RGS7: variants seen among roughly 807,000 people sequenced by gnomAD.
RGS7 encodes the protein regulator of G protein signaling 7, also known as regulator of G-protein signaling 7.
RGS7 carries 27 observed loss-of-function variants against 81.1 expected under a neutral mutation model. The observed-to-expected ratio is 0.33, with a 90% CI of 0.25 to 0.46. The LOEUF (loss-of-function observed/expected upper bound fraction) is 0.46. RGS7 is among the 20% of genes least tolerant of loss of function. RGS7 has a pLI of 1.00. For synonymous variants in RGS7, 208 were observed against 207.7 expected (o/e 1.00, Z -0.01); for missense variants, 396 against 607.4 (o/e 0.65, Z 3.66).
chr1:240,835,827 A>T (rs1029616688), intron 9 of RGS7, among the ~76,000 whole-genome samples: 1 of 152,200 alleles, frequency 6.6e-6, no homozygotes, highest in African/African-American at 2.4e-5. Flanking sequence ...GAAAGAAGCC[A>T]ATCTGAAAAA....
At chr1:241,109,812 G>C (rs1283876226) in intron 2 of RGS7, among the ~76,000 whole-genome samples, 1 of 151,850 alleles carries the variant, frequency 6.6e-6, no homozygotes, top group Non-Finnish European at 1.5e-5. Flanking sequence ...ACAAAAATTA[G>C]CCGGGCTTAG....
intron 9 of RGS7, among the ~76,000 whole-genome samples, chr1:240,842,630 G>A (rs201739943): frequency 2.1e-3 from 37 of 17,530 alleles, no homozygotes; most frequent in African/African-American, 4.9e-3. Context: ...TAAGCATTTT[G>A]GGGGGGGAAT....
At chr1:241,329,805 G>C (rs2081853690) in intron 2 of RGS7, among the ~76,000 whole-genome samples, 2 of 152,088 alleles carry the variant, frequency 1.3e-5, no homozygotes, top group African/African-American at 2.4e-5. Context: ...GTGTGCTGCT[G>C]GTGGATGGAT....
chr1:241,017,588 T>C (rs889381961), intron 3 of RGS7, among the ~76,000 whole-genome samples: 1 of 152,144 alleles, frequency 6.6e-6, no homozygotes, highest in Non-Finnish European at 1.5e-5. Flanking sequence ...CATAGAATTA[T>C]AGGTTGGCAG....
rs1685592138 is a variant in RGS7 at position 240,985,948 on chromosome 1, A to G, written c.176-2819T>C. Among the ~76,000 whole-genome samples the G allele has an allele frequency of 3.5e-5, 5 of 144,556 alleles. No individual in the cohort carries two copies. The South Asian group carries it at 8.8e-4, about 25-fold the overall frequency. 94.8% of individuals were successfully genotyped at this position (144,556 alleles called of 152,430 possible). ...CTTTACAGCAATTTTCCAGCTTTATATTAAATAAATAAATAAATAAATAAA... is the reference window on the plus strand; with the variant it reads ...CTTTACAGCAATTTTCCAGCTTTATGTTAAATAAATAAATAAATAAATAAA... On this transcript the variant is annotated intron_variant, in intron 3 of 18. Coordinates refer to ENST00000440928, the MANE Select transcript of RGS7 (RefSeq NM_001364886.1).
intron 2 of RGS7, among the ~76,000 whole-genome samples, chr1:241,129,264 C>A (rs201273745): frequency 2.5e-4 from 36 of 145,668 alleles, no homozygotes; most frequent in African/African-American, 3.3e-4. Flanking sequence ...AACAAACAAA[C>A]AAACAAAAAA....
chr1:240,817,708 C>T (rs1259088307), intron 10 of RGS7, among the ~76,000 whole-genome samples: 2 of 152,058 alleles, frequency 1.3e-5, no homozygotes, highest in South Asian at 2.1e-4. Flanking sequence ...GTTCAAGTGA[C>T]TCTCTTGCCT....
At chr1:241,073,905 CTTTT>C (rs200571282) in intron 3 of RGS7, among the ~76,000 whole-genome samples, 1 of 141,594 alleles carries the variant, frequency 7.1e-6, no homozygotes. Context: ...CTCTTCGTTC[CTTTT>C]TTTTTTTTTT....
chr1:241,339,019 G>A (rs1363089592), intron 2 of RGS7, among the ~76,000 whole-genome samples: 1 of 152,060 alleles, frequency 6.6e-6, no homozygotes, highest in Non-Finnish European at 1.5e-5. Context: ...ACATGCATTA[G>A]CTATTTATCC....
At chr1:240,872,276 T>C (rs1664629024) in intron 6 of RGS7, among the ~76,000 whole-genome samples, 1 of 152,164 alleles carries the variant, frequency 6.6e-6, no homozygotes, top group South Asian at 2.1e-4. Context: ...TCCCTAAATG[T>C]CTACTTGATT....
chr1:241,187,429 T>C (rs1055234800), intron 2 of RGS7, among the ~76,000 whole-genome samples: 9 of 152,230 alleles, frequency 5.9e-5, no homozygotes, highest in Non-Finnish European at 8.8e-5. Flanking sequence ...TTAGAGATTA[T>C]ACACTTTTTT....
At position 240,886,260 on chromosome 1, in the gene RGS7, G is replaced by T. The variant is rs183752077; in HGVS notation, c.386-16141C>A. On this transcript the variant is annotated intron_variant, in intron 6 of 18. Transcript: ENST00000440928. Reference sequence around the variant, plus strand: ...CCAAAGTGACAGGTTCTGAGAGTTTGCACCTTTTTAAAGTACCACAATAAT... The same window carrying T: ...CCAAAGTGACAGGTTCTGAGAGTTTTCACCTTTTTAAAGTACCACAATAAT... 2.3e-4 allele frequency among the ~76,000 whole-genome samples: 35 copies of T among 152,196 alleles called. No homozygotes were observed. The East Asian group carries it at 4.5e-3, about 19-fold the overall frequency.
chr1:241,293,176 G>T (rs770680363), intron 2 of RGS7, among the ~76,000 whole-genome samples: 6 of 152,240 alleles, frequency 3.9e-5, no homozygotes, highest in Non-Finnish European at 8.8e-5. Flanking sequence ...CAACACTGTA[G>T]CAGTCATAAA....
At chr1:241,026,658 G>T (rs1379987191) in intron 3 of RGS7, among the ~76,000 whole-genome samples, 1 of 152,062 alleles carries the variant, frequency 6.6e-6, no homozygotes, top group African/African-American at 2.4e-5. Flanking sequence ...AGCTAACAGT[G>T]AGCCAGGCAG....
At chr1:241,199,151 G>A (rs1207077348) in intron 2 of RGS7, among the ~76,000 whole-genome samples, 2 of 151,816 alleles carry the variant, frequency 1.3e-5, no homozygotes, top group Admixed American at 6.6e-5. Flanking sequence ...AAAGCCCTTA[G>A]CAAACAAAGA....
rs139377597 is a variant in RGS7 at position 241,327,841 on chromosome 1, T to G, written c.78+27858A>C. On this transcript the variant is annotated intron_variant, in intron 2 of 18. Coordinates refer to ENST00000440928, the MANE Select transcript of RGS7 (RefSeq NM_001364886.1). ...TAATTACAGATCTAAATTATCCTTT[T>G]TCCCAATACAATAATTATGCTTAAA... 2.0e-3 allele frequency among the ~76,000 whole-genome samples: 309 copies of G among 152,340 alleles called. 1 individual carries two copies. The highest frequency in any genetic ancestry group is 0.01 in the Middle Eastern group (3 of 294).
intron 3 of RGS7, among the ~76,000 whole-genome samples, chr1:241,057,551 T>C (rs1186028778): frequency 6.7e-6 from 1 of 148,886 alleles, no homozygotes. Context: ...TGAATCTAGG[T>C]AGTCTAAAGC....
At chr1:240,850,393 G>T (rs1044035449) in intron 9 of RGS7, among the ~76,000 whole-genome samples, 3 of 152,082 alleles carry the variant, frequency 2.0e-5, no homozygotes, top group African/African-American at 7.2e-5. Context: ...TGTTATTGTC[G>T]TGATCGTTTT....
chr1:241,003,691 C>A (rs1432360717), intron 3 of RGS7, among the ~76,000 whole-genome samples: 1 of 152,156 alleles, frequency 6.6e-6, no homozygotes, highest in Non-Finnish European at 1.5e-5. Context: ...CATGAAGGGG[C>A]TCTCCCACTC....
Sources: gnomAD v4.1 joint callset for allele counts (sites outside exome capture counted in the v4.1 genomes callset) on GRCh38, gnomAD v4.1.1 for gene constraint, MANE v1.5 for transcripts, NCBI Gene and HGNC (gene_info 2026-07-23, HGNC 2026-07-21) for gene names.